The following CNTNAP2 variants were observed in gnomAD, a reference collection of about 807,000 sequenced individuals.
CNTNAP2 encodes the protein contactin associated protein 2, also known as contactin-associated protein-like 2.
A neutral mutation model predicts 155.2 loss-of-function variants in CNTNAP2; 98 were observed. The observed-to-expected ratio is 0.63, with a 90% CI of 0.54 to 0.75. CNTNAP2 has a LOEUF of 0.75. Among genes scored for constraint, CNTNAP2 ranks in the 30% least tolerant of loss-of-function variants. The probability of loss-of-function intolerance (pLI) is 0.00; values close to 1 mark genes in which losing one functional copy is unlikely to be tolerated. For synonymous variants in CNTNAP2, 651 were observed against 631.2 expected (o/e 1.03, Z -0.47); for missense variants, 1,727 against 1,688.1 (o/e 1.02, Z -0.40).
intron 1 of CNTNAP2, among the ~76,000 whole-genome samples, chr7:146,717,085 G>A (rs1234127784): frequency 6.6e-6 from 1 of 152,094 alleles, no homozygotes; most frequent in Non-Finnish European, 1.5e-5. Context: ...CTCCCCCTGA[G>A]TGGATTTCCT....
intron 13 of CNTNAP2, among the ~76,000 whole-genome samples, chr7:147,715,585 C>A (rs746544849): frequency 4.6e-5 from 7 of 151,900 alleles, no homozygotes; most frequent in Non-Finnish European, 7.4e-5. Context: ...TTTATATGTT[C>A]TAGATACTAG....
At chr7:147,615,024 A>G (rs1179384352) in intron 12 of CNTNAP2, among the ~76,000 whole-genome samples, 1 of 151,352 alleles carries the variant, frequency 6.6e-6, no homozygotes, top group African/African-American at 2.4e-5. Flanking sequence ...AGGCCAAGGT[A>G]TAAGGATTGC....
At chr7:147,339,635 A>G (rs1470411941) in intron 9 of CNTNAP2, among the ~76,000 whole-genome samples, 2 of 152,188 alleles carry the variant, frequency 1.3e-5, no homozygotes, top group East Asian at 3.8e-4. Context: ...TGTAAAAATT[A>G]TAAAAGAAAA....
intron 21 of CNTNAP2, among the ~76,000 whole-genome samples, chr7:148,335,130 G>T (rs577194309): frequency 1.3e-5 from 2 of 152,240 alleles, no homozygotes; most frequent in East Asian, 3.9e-4. Context: ...TAATTAACAC[G>T]GCAGCAAGAC....
chr7:146,259,214 A>T (rs920355513), intron 1 of CNTNAP2, among the ~76,000 whole-genome samples: 1 of 152,184 alleles, frequency 6.6e-6, no homozygotes, highest in African/African-American at 2.4e-5. Context: ...TCTTTCCTTT[A>T]TAAATTTACC....
At chr7:147,804,331 A>G (rs1359389904) in intron 13 of CNTNAP2, among the ~76,000 whole-genome samples, 1 of 152,190 alleles carries the variant, frequency 6.6e-6, no homozygotes, top group Non-Finnish European at 1.5e-5. Context: ...TTACCAAGGT[A>G]TTTCCAGAGA....
chr7:147,850,808 C>A (rs1047507947), intron 13 of CNTNAP2, among the ~76,000 whole-genome samples: 1 of 152,130 alleles, frequency 6.6e-6, no homozygotes, highest in African/African-American at 2.4e-5. Context: ...AGACCTAAAA[C>A]CATAAAAACT....
At chr7:147,264,398 A>G (rs1165512117) in intron 8 of CNTNAP2, among the ~76,000 whole-genome samples, 1 of 151,976 alleles carries the variant, frequency 6.6e-6, no homozygotes, top group East Asian at 2.0e-4. Flanking sequence ...CTCCTCTGTG[A>G]AAGAGATACG....
intron 1 of CNTNAP2, among the ~76,000 whole-genome samples, chr7:146,185,108 T>A (rs1232683763): frequency 6.6e-6 from 1 of 152,090 alleles, no homozygotes; most frequent in Non-Finnish European, 1.5e-5. Context: ...CCCAGGCCAA[T>A]CCATAAACAT....
chr7:146,567,211 A>T (rs1798370590), intron 1 of CNTNAP2, among the ~76,000 whole-genome samples: 1 of 152,228 alleles, frequency 6.6e-6, no homozygotes, highest in Non-Finnish European at 1.5e-5. Flanking sequence ...CAATACAGGA[A>T]TTCATTTTTT....
chr7:146,937,633 C>T (rs943654281), intron 3 of CNTNAP2, among the ~76,000 whole-genome samples: 1 of 152,112 alleles, frequency 6.6e-6, no homozygotes, highest in Non-Finnish European at 1.5e-5. Flanking sequence ...AGTAAAGTAC[C>T]TGACACCTGC....
intron 1 of CNTNAP2, among the ~76,000 whole-genome samples, chr7:146,163,587 A>G (rs536634453): frequency 1.4e-5 from 2 of 144,440 alleles, no homozygotes; most frequent in South Asian, 4.3e-4. Context: ...CTATCTATCT[A>G]TATATATATA....
In CNTNAP2 at chr7:147,326,301, T is replaced by C. The variant is rs564992916; in HGVS notation, c.1498+26011T>C. ...ATGAGTGGAAACATATAATGTTTGTTCTTTTGTGCCTGGCTTATTTCACAT... is the reference window on the plus strand; with the variant it reads ...ATGAGTGGAAACATATAATGTTTGTCCTTTTGTGCCTGGCTTATTTCACAT... On this transcript the variant is annotated intron_variant, in intron 9 of 23. Coordinates refer to ENST00000361727, the MANE Select transcript of CNTNAP2 (RefSeq NM_014141.6). 2.0e-5 allele frequency among the ~76,000 whole-genome samples: 3 copies of C among 152,312 alleles called. No homozygotes were observed. In the South Asian group the frequency reaches 6.2e-4, roughly 32 times the overall value.
At chr7:146,430,186 T>G (rs949584403) in intron 1 of CNTNAP2, among the ~76,000 whole-genome samples, 17 of 151,936 alleles carry the variant, frequency 1.1e-4, no homozygotes, top group African/African-American at 3.4e-4. Context: ...TTTTTTTTTT[T>G]TTGTTTTATT....
At chr7:147,613,186 C>A (rs2116880062) in intron 12 of CNTNAP2, among the ~76,000 whole-genome samples, 1 of 152,290 alleles carries the variant, frequency 6.6e-6, no homozygotes, top group East Asian at 1.9e-4. Context: ...GCCAACCTGA[C>A]AAACATAAAA....
At chr7:147,900,496 C>T (rs1401228943) in intron 13 of CNTNAP2, among the ~76,000 whole-genome samples, 1 of 152,176 alleles carries the variant, frequency 6.6e-6, no homozygotes, top group African/African-American at 2.4e-5. Context: ...CCTCCTCAGC[C>T]ACACAAAATT....
chr7:147,908,276 C>A (rs1800002417), intron 14 of CNTNAP2, among the ~76,000 whole-genome samples: 1 of 152,116 alleles, frequency 6.6e-6, no homozygotes, highest in Non-Finnish European at 1.5e-5. Flanking sequence ...AAGTACAGGT[C>A]TCCAATCCCA....
intron 4 of CNTNAP2, among the ~76,000 whole-genome samples, chr7:147,086,084 A>C (rs2129270965): frequency 1.3e-5 from 2 of 152,330 alleles, no homozygotes; most frequent in South Asian, 2.1e-4. Flanking sequence ...GAACTTCATT[A>C]GTGTTTTCAA....
At chr7:146,524,179 C>T (rs1797655320) in intron 1 of CNTNAP2, among the ~76,000 whole-genome samples, 1 of 152,050 alleles carries the variant, frequency 6.6e-6, no homozygotes, top group South Asian at 2.1e-4. Context: ...CCATATGAGG[C>T]CCATAAAGAA....
Sources: allele counts gnomAD v4.1 joint callset (sites outside exome capture counted in the v4.1 genomes callset), GRCh38; gene constraint gnomAD v4.1.1; transcripts MANE v1.5; gene names NCBI Gene and HGNC (gene_info 2026-07-23, HGNC 2026-07-21).